Variants in ARHGAP32 observed in about 807,000 individuals in gnomAD.
The protein encoded by ARHGAP32 is rho GTPase-activating protein 32.
ARHGAP32 carries 51 observed loss-of-function variants against 186.5 expected under a neutral mutation model. The observed-to-expected ratio is 0.27, with a 90% CI of 0.22 to 0.35. The LOEUF (loss-of-function observed/expected upper bound fraction) is 0.35, where lower values mean the gene tolerates loss of function less well. Among genes scored for constraint, ARHGAP32 ranks in the 10% least tolerant of loss-of-function variants. ARHGAP32 has a pLI of 1.00. For synonymous variants in ARHGAP32, 950 were observed against 964.3 expected (o/e 0.99, Z 0.27); for missense variants, 2,186 against 2,623.5 (o/e 0.83, Z 3.64).
intron 11 of ARHGAP32, chr11:129,030,513 G>A (rs751034874): frequency 4.6e-5 from 7 of 151,918 alleles, no homozygotes; most frequent in Non-Finnish European, 1.0e-4. Flanking sequence ...GTCAGTTACA[G>A]ATCTATTTCC....
At chr11:129,101,733 G>T (rs1941905562) in intron 5 of ARHGAP32, among the ~76,000 whole-genome samples, 1 of 152,158 alleles carries the variant, frequency 6.6e-6, no homozygotes, top group South Asian at 2.1e-4. Context: ...CAACCCCCTG[G>T]TGGCCCTTAA....
intron 6 of ARHGAP32, 143 bp from the exon 7 acceptor site, chr11:129,067,011 T>TA: frequency 1.5e-6 from 1 of 688,992 alleles, no homozygotes; most frequent in South Asian, 2.1e-5. Context: ...AGTTAATAGC[T>TA]AAAACTGTGA....
intron 11 of ARHGAP32, among the ~76,000 whole-genome samples, chr11:129,037,199 A>G (rs1214236501): frequency 6.6e-6 from 1 of 152,272 alleles, no homozygotes; most frequent in Non-Finnish European, 1.5e-5. Flanking sequence ...GAAATAAATT[A>G]AAGAATGTCT....
intron 2 of ARHGAP32, among the ~76,000 whole-genome samples, chr11:129,147,441 T>C (rs1200814002): frequency 6.6e-6 from 1 of 152,120 alleles, no homozygotes; most frequent in Non-Finnish European, 1.5e-5. Context: ...AAGTAGGGGA[T>C]TGAAAAAGAG....
chr11:129,155,443 AAAT>A (rs1336445842), intron 2 of ARHGAP32, among the ~76,000 whole-genome samples: 2 of 152,354 alleles, frequency 1.3e-5, no homozygotes, highest in African/African-American at 4.8e-5. Context: ...AGCTGTGCTA[AAAT>A]AATGGAATAT....
chr11:129,233,920 C>G (rs1376672559), intron 1 of ARHGAP32, among the ~76,000 whole-genome samples: 1 of 151,566 alleles, frequency 6.6e-6, no homozygotes, highest in East Asian at 1.9e-4. Flanking sequence ...TAATAGAGGT[C>G]TCAACAAATT....
intron 1 of ARHGAP32, among the ~76,000 whole-genome samples, chr11:129,266,997 G>A (rs1436757742): frequency 2.0e-5 from 3 of 152,204 alleles, no homozygotes; most frequent in Admixed American, 1.3e-4. Context: ...GTACAGGCTG[G>A]AGTTCCACAG....
chr11:128,977,413 A>G (rs995574634), intron 19 of ARHGAP32, among the ~76,000 whole-genome samples: 2 of 151,738 alleles, frequency 1.3e-5, no homozygotes, highest in African/African-American at 2.4e-5. Context: ...TTCTCTGCCT[A>G]CCTTTGTAAT....
At chr11:129,074,653 C>T (rs1056683730) in intron 6 of ARHGAP32, among the ~76,000 whole-genome samples, 1 of 151,948 alleles carries the variant, frequency 6.6e-6, no homozygotes, top group South Asian at 2.1e-4. Flanking sequence ...GCCACCATGC[C>T]TGGCTAATTT....
At chr11:129,205,629 A>AC (rs1175356296) in intron 1 of ARHGAP32, among the ~76,000 whole-genome samples, 1 of 152,182 alleles carries the variant, frequency 6.6e-6, no homozygotes, top group Non-Finnish European at 1.5e-5. Context: ...TGAAGTAATT[A>AC]CATGAAACAG....
intron 2 of ARHGAP32, among the ~76,000 whole-genome samples, chr11:129,154,967 G>C (rs969506058): frequency 6.6e-6 from 1 of 152,144 alleles, no homozygotes; most frequent in Admixed American, 6.5e-5. Context: ...TATAGCCCTT[G>C]AGCTAAAAGT....
At chr11:129,093,962 A>C (rs1941658583) in intron 5 of ARHGAP32, among the ~76,000 whole-genome samples, 1 of 152,136 alleles carries the variant, frequency 6.6e-6, no homozygotes, top group African/African-American at 2.4e-5. Context: ...TACATACATG[A>C]AACTAAGCAC....
intron 2 of ARHGAP32, among the ~76,000 whole-genome samples, chr11:129,128,955 T>G (rs919039299): frequency 3.3e-5 from 5 of 152,202 alleles, no homozygotes; most frequent in African/African-American, 9.6e-5. Flanking sequence ...CCCAGCTGCC[T>G]GCCTTGGCCT....
At chr11:129,094,013 C>G (rs1176864349) in intron 5 of ARHGAP32, among the ~76,000 whole-genome samples, 1 of 151,962 alleles carries the variant, frequency 6.6e-6, no homozygotes, top group Non-Finnish European at 1.5e-5. Context: ...GAGTTCAGAC[C>G]TTATTACATA....
intron 6 of ARHGAP32, among the ~76,000 whole-genome samples, chr11:129,070,668 T>A (rs7931761): frequency 0.27 from 41,135 of 151,948 alleles, 6,074 homozygotes; most frequent in Middle Eastern, 0.4. Flanking sequence ...ATATTTCTGT[T>A]CTATTTTTAT....
chr11:129,220,990 T>C (rs1944703902), intron 1 of ARHGAP32, among the ~76,000 whole-genome samples: 1 of 152,144 alleles, frequency 6.6e-6, no homozygotes. Flanking sequence ...AGGGTATCAT[T>C]ATTTATTAAA....
chr11:129,126,763 G>A (rs778701446), intron 2 of ARHGAP32, among the ~76,000 whole-genome samples: 3 of 152,044 alleles, frequency 2.0e-5, no homozygotes, highest in Non-Finnish European at 2.9e-5. Flanking sequence ...AGGAAATACA[G>A]TATTCTCCAG....
In ARHGAP32 at chr11:129,124,688, T is replaced by C. The variant is rs1038843749; in HGVS notation, c.317+115A>G. ...TGAGTCATAATTTAAGGATTAGCAG[T>C]TGCACAGTAACAGCATATTTTTGTA... On this transcript the variant is annotated intron_variant, in intron 3 of 22. Coordinates refer to ENST00000682385, the MANE Select transcript of ARHGAP32 (RefSeq NM_001378024.1). The C allele has an allele frequency of 2.0e-5, 14 of 688,398 alleles. No individual in the cohort carries two copies. The African/African-American group carries it at 2.4e-4, about 12-fold the overall frequency. 42.6% of individuals were successfully genotyped at this position (688,398 alleles called of 1,614,324 possible).
rs1436127525 is a variant in ARHGAP32 at position 129,241,511 on chromosome 11, T to C, written c.-5+37635A>G. Among the ~76,000 whole-genome samples the C allele has an allele frequency of 2.6e-5, 4 of 152,056 alleles. No homozygotes were observed. In the East Asian group the frequency reaches 7.7e-4, roughly 29 times the overall value. ...TTTTGTAAAAATTAGCCGGGTGTGTTGGCGCACATCTGTAGTCTCAGCTAC... is the reference window on the plus strand; with the variant it reads ...TTTTGTAAAAATTAGCCGGGTGTGTCGGCGCACATCTGTAGTCTCAGCTAC... On this transcript the variant is annotated intron_variant, in intron 1 of 6. Transcript: ENST00000525234.
Sources: allele counts gnomAD v4.1 joint callset (sites outside exome capture counted in the v4.1 genomes callset), GRCh38; gene constraint gnomAD v4.1.1; transcripts MANE v1.5; gene names NCBI Gene and HGNC (gene_info 2026-07-23, HGNC 2026-07-21).